The following TRHDE variants were observed in gnomAD, a reference collection of about 807,000 sequenced individuals.
The protein encoded by TRHDE is thyrotropin-releasing hormone-degrading ectoenzyme.
A neutral mutation model predicts 125.7 loss-of-function variants in TRHDE; 72 were observed. That is an observed-to-expected ratio of 0.57 (90% CI 0.47 to 0.70). TRHDE has a LOEUF of 0.70. Ranked by LOEUF, TRHDE falls within the 30% of genes least tolerant of loss-of-function variation. TRHDE has a pLI of 0.00. For synonymous variants in TRHDE, 509 were observed against 509.1 expected (o/e 1.00, Z 0.00); for missense variants, 1,110 against 1,327.1 (o/e 0.84, Z 2.54).
intron 2 of TRHDE, among the ~76,000 whole-genome samples, chr12:72,158,618 T>C (rs1876570064): frequency 6.6e-6 from 1 of 152,186 alleles, no homozygotes; most frequent in Non-Finnish European, 1.5e-5. Flanking sequence ...AGTCATAAAT[T>C]TGTATACAGT....
At chr12:72,519,868 G>A (rs1299103403) in intron 6 of TRHDE, among the ~76,000 whole-genome samples, 1 of 152,146 alleles carries the variant, frequency 6.6e-6, no homozygotes, top group Non-Finnish European at 1.5e-5. Flanking sequence ...TAACAGACAG[G>A]ACCCTCAGCT....
chr12:72,363,789 G>A (rs891661177), intron 2 of TRHDE, among the ~76,000 whole-genome samples: 1 of 151,966 alleles, frequency 6.6e-6, no homozygotes, highest in Non-Finnish European at 1.5e-5. Flanking sequence ...GGCAGGAGAA[G>A]GAAATAAAGG....
At chr12:72,227,094 A>T (rs1348294874) in intron 2 of TRHDE, among the ~76,000 whole-genome samples, 2 of 152,208 alleles carry the variant, frequency 1.3e-5, no homozygotes, top group Non-Finnish European at 2.9e-5. Context: ...AGGTAAAAAT[A>T]TTTTAGAAAT....
upstream of TRHDE, among the ~76,000 whole-genome samples, chr12:72,271,446 A>G (rs1565678260): frequency 6.6e-6 from 1 of 152,096 alleles, no homozygotes; most frequent in Non-Finnish European, 1.5e-5. Flanking sequence ...GGAGTCAGGA[A>G]GAGGGGTGAC....
chr12:72,109,278 A>T (rs2139294011), intron 2 of TRHDE, among the ~76,000 whole-genome samples: 1 of 152,150 alleles, frequency 6.6e-6, no homozygotes, highest in African/African-American at 2.4e-5. Flanking sequence ...TTATACTCTT[A>T]GCCTCTCTCA....
chr12:72,319,726 A>G (rs530008826), intron 2 of TRHDE, among the ~76,000 whole-genome samples: 1 of 152,182 alleles, frequency 6.6e-6, no homozygotes, highest in East Asian at 1.9e-4. Flanking sequence ...GCACTGAGAG[A>G]TAATAAGAAC....
At chr12:72,657,648 T>G (rs1202592677) in intron 18 of TRHDE, among the ~76,000 whole-genome samples, 1 of 152,148 alleles carries the variant, frequency 6.6e-6, no homozygotes, top group Non-Finnish European at 1.5e-5. Flanking sequence ...TATCTAACAT[T>G]TCCTTACTAT....
chr12:72,109,109 G>C (rs1484988608), intron 2 of TRHDE, among the ~76,000 whole-genome samples: 1 of 152,080 alleles, frequency 6.6e-6, no homozygotes, highest in African/African-American at 2.4e-5. Context: ...ACAAATGTTT[G>C]TTGATTGCCT....
At chr12:72,375,510 T>A (rs530457579) in intron 2 of TRHDE, among the ~76,000 whole-genome samples, 1 of 152,210 alleles carries the variant, frequency 6.6e-6, no homozygotes, top group African/African-American at 2.4e-5. Flanking sequence ...GGAATGGCTG[T>A]GTTTCCACCA....
intron 2 of TRHDE, among the ~76,000 whole-genome samples, chr12:72,133,860 C>T (rs1875921251): frequency 1.3e-5 from 2 of 152,176 alleles, no homozygotes; most frequent in Admixed American, 1.3e-4. Flanking sequence ...ACCTCCTCCT[C>T]AGCTTTTCCC....
chr12:72,454,244 G>A (rs1695134306), intron 3 of TRHDE, among the ~76,000 whole-genome samples: 1 of 151,846 alleles, frequency 6.6e-6, no homozygotes. Flanking sequence ...AATGAAAATG[G>A]GATAAAATGG....
upstream of TRHDE, among the ~76,000 whole-genome samples, chr12:72,269,227 A>C (rs1435444224): frequency 6.6e-6 from 1 of 152,156 alleles, no homozygotes; most frequent in Non-Finnish European, 1.5e-5. Context: ...ATATATTTTC[A>C]GAAATTAAAA....
intron 2 of TRHDE, among the ~76,000 whole-genome samples, chr12:72,345,961 C>G (rs1400699157): frequency 6.6e-6 from 1 of 152,002 alleles, no homozygotes; most frequent in Non-Finnish European, 1.5e-5. Flanking sequence ...GATATGACAT[C>G]AGTTTTACTC....
intron 18 of TRHDE, 142 bp from the exon 19 acceptor site, chr12:72,662,908 TAA>T (rs1271286871): frequency 4.0e-6 from 3 of 751,554 alleles, no homozygotes. Context: ...TCCACAGTAC[TAA>T]ATATATCTTC....
At chr12:72,572,032 G>C (rs1040669974) in intron 10 of TRHDE, among the ~76,000 whole-genome samples, 5 of 117,210 alleles carry the variant, frequency 4.3e-5, no homozygotes, top group African/African-American at 1.4e-4. Context: ...TTATTGCTAT[G>C]GTAGATTGCT....
chr12:72,109,626 G>A (rs1165877469), intron 2 of TRHDE, among the ~76,000 whole-genome samples: 6 of 56,226 alleles, frequency 1.1e-4, no homozygotes, highest in African/African-American at 2.5e-4. Context: ...ACACAACAAT[G>A]TTTTAAACAA....
intron 15 of TRHDE, among the ~76,000 whole-genome samples, chr12:72,630,383 G>A (rs1190815880): frequency 2.0e-5 from 3 of 151,662 alleles, no homozygotes; most frequent in Non-Finnish European, 4.4e-5. Context: ...AGAATTGCTG[G>A]AGCCATTAGA....
intron 2 of TRHDE, among the ~76,000 whole-genome samples, chr12:72,127,087 T>A (rs947582666): frequency 2.0e-5 from 3 of 152,084 alleles, no homozygotes; most frequent in African/African-American, 7.2e-5. Context: ...AACAAACATA[T>A]GAAAAAATGT....
In TRHDE at chr12:72,663,332, T is replaced by G. The variant is rs1874993879; in HGVS notation, c.*137T>G. The G allele has an allele frequency of 1.6e-6, 1 of 635,152 alleles. No homozygotes were observed. 39.3% of individuals were successfully genotyped at this position (635,152 alleles called of 1,614,324 possible). On this transcript the variant is annotated 3_prime_UTR_variant, in exon 19 of 19. Transcript: ENST00000261180. ...CGTGTGGGAGGAATTTTTTTTTTAG[T>G]TTTTATTTTTTGGTTTTGGGGGATA...
Sources: gnomAD v4.1 joint callset for allele counts (sites outside exome capture counted in the v4.1 genomes callset) on GRCh38, gnomAD v4.1.1 for gene constraint, MANE v1.5 for transcripts, NCBI Gene and HGNC (gene_info 2026-07-23, HGNC 2026-07-21) for gene names.